Variants in ERLIN1 observed in about 807,000 individuals in gnomAD.
ERLIN1 encodes erlin-1.
A neutral mutation model predicts 46.9 loss-of-function variants in ERLIN1; 24 were observed. That is an observed-to-expected ratio of 0.51 (90% confidence interval 0.37 to 0.72). The LOEUF (loss-of-function observed/expected upper bound fraction) is 0.72. ERLIN1 is among the 30% of genes least tolerant of loss of function. ERLIN1 has a pLI of 0.00. For missense variants in ERLIN1, 293 were observed against 417.9 expected (o/e 0.70, Z 2.61); for synonymous variants, 158 against 143.2 (o/e 1.10, Z -0.74).
rs1843502630 is a variant in ERLIN1, at chr10:100,164,083, C to G, written c.576G>C (p.Lys192Asn). 6.2e-7 allele frequency: 1 copy of G among 1,611,006 alleles called. No individual in the cohort carries two copies. The highest frequency in any genetic ancestry group is 1.3e-5 in the African/African-American group (1 of 74,852). ...TCTGTGCAGCTATAAGGAGTTTTGT[C>G]TTCTCAGCCTCCCTGTGAAGCAAAA... ...RRNFELMEAEKTKLLIAAQKQ... is the reference protein window; with the variant it reads ...RRNFELMEAENTKLLIAAQKQ... The change falls in exon 8 of 11, where the codon AAG becomes AAC. Residue 192 changes from lysine to asparagine, a missense_variant. Lys to Asn is a moderately conservative substitution (Grantham distance 94). Coordinates refer to ENST00000421367, the MANE Select transcript of ERLIN1 (RefSeq NM_006459.4).
chr10:100,173,025 C>G (rs933369332), intron 6 of ERLIN1, among the ~76,000 whole-genome samples: 33 of 152,144 alleles, frequency 2.2e-4, no homozygotes, highest in African/African-American at 8.0e-4. Context: ...TCAAACGACC[C>G]CTTAACTCTG....
In ERLIN1 at chr10:100,185,517, T is replaced by C. The variant is rs771282992; in HGVS notation, c.110A>G (p.Tyr37Cys). Reference sequence around the variant, plus strand: ...ACTGACTGCACATGCCGCTCACCTGTAGTACACAGCCAGATGGCCCTCCTC... The same window carrying C: ...ACTGACTGCACATGCCGCTCACCTGCAGTACACAGCCAGATGGCCCTCCTC... ...KIEEGHLAVY[Y>C]RGGALLTSPS... The change falls in exon 1 of 11, where the codon TAC becomes TGC. Residue 37 changes from tyrosine to cysteine, a missense_variant. By Grantham distance (194) the Tyr-to-Cys change is radical. Around this residue, in one of 3 missense-constraint regions of ERLIN1, gnomAD observed 76 missense variants for 77.0 expected, o/e 0.99. Transcript: ENST00000421367. 5.0e-6 allele frequency: 8 copies of C among 1,610,146 alleles called. No homozygotes were observed. In the East Asian group the frequency reaches 1.8e-4, roughly 36 times the overall value.
intron 8 of ERLIN1, among the ~76,000 whole-genome samples, chr10:100,158,379 C>A (rs1329189256): frequency 6.6e-6 from 1 of 152,096 alleles, no homozygotes; most frequent in Non-Finnish European, 1.5e-5. Context: ...TAAATAGGTG[C>A]AAGCAGCCAA....
chr10:100,156,535 A>T (rs569340107), intron 8 of ERLIN1, among the ~76,000 whole-genome samples: 1 of 152,370 alleles, frequency 6.6e-6, no homozygotes, highest in African/African-American at 2.4e-5. Flanking sequence ...GGAAAAAAAG[A>T]TACTTTATGA....
chr10:100,158,885 A>G (rs772201642), intron 8 of ERLIN1, among the ~76,000 whole-genome samples: 1 of 152,206 alleles, frequency 6.6e-6, no homozygotes, highest in Non-Finnish European at 1.5e-5. Flanking sequence ...AGGGAAAAAG[A>G]AGCAGAGAAA....
intron 8 of ERLIN1, among the ~76,000 whole-genome samples, chr10:100,159,781 G>T (rs1843261034): frequency 6.8e-6 from 1 of 147,278 alleles, no homozygotes; most frequent in Non-Finnish European, 1.5e-5. Flanking sequence ...ATCCTTAGAA[G>T]AAAATTTATA....
intron 2 of ERLIN1, among the ~76,000 whole-genome samples, chr10:100,182,856 A>G (rs948894876): frequency 6.6e-6 from 1 of 152,216 alleles, no homozygotes; most frequent in Non-Finnish European, 1.5e-5. Flanking sequence ...TAAGGAAAGA[A>G]TGGGTAAAAT....
chr10:100,163,059 G>A (rs1158789312), intron 8 of ERLIN1, among the ~76,000 whole-genome samples: 1 of 151,920 alleles, frequency 6.6e-6, no homozygotes, highest in Non-Finnish European at 1.5e-5. Context: ...AAACATAAAC[G>A]ATCTACCATC....
At chr10:100,159,842 G>A (rs868088605) in intron 8 of ERLIN1, among the ~76,000 whole-genome samples, 11 of 134,388 alleles carry the variant, frequency 8.2e-5, no homozygotes, top group Middle Eastern at 3.8e-3. Flanking sequence ...TCCAACTCAA[G>A]AAGTTAAAAA....
chr10:100,154,728 T>C (rs1842983970), intron 10 of ERLIN1, 132 bp downstream of exon 10: 8 of 695,506 alleles, frequency 1.2e-5, no homozygotes, highest in Non-Finnish European at 1.5e-5. Context: ...AACTGACTAA[T>C]TCTGGAGGAT....
chr10:100,174,240 A>T lies in ERLIN1; in HGVS notation c.472T>A (p.Leu158Ile), dbSNP rs774217410. Reference protein sequence around the residue: ...ENLKQALQKDLNLMAPGLTIQ... With the variant: ...ENLKQALQKDINLMAPGLTIQ... The stretch of plus-strand genomic sequence containing the variant: ...GTGAGACCTGGGGCCATGAGGTTTA[A>T]GTCTTTCTGCAGAGCTTGCTTCAGG... The change falls in exon 6 of 11, where the codon TTA (leucine) becomes ATA (isoleucine). Residue 158 changes from leucine (L) to isoleucine (I), a missense_variant. Physicochemically the swap from Leu to Ile is conservative, Grantham distance 5 (BLOSUM62 2). Transcript: ENST00000421367. 1 of 1,565,078 alleles carries T rather than the reference A, an allele frequency of 6.4e-7. No homozygotes were observed. The highest frequency in any genetic ancestry group is 8.7e-7 in the Non-Finnish European group (1 of 1,152,906).
At position 100,186,024 on chromosome 10, in the gene ERLIN1, G is replaced by A. The variant is rs533939071; in HGVS notation, c.-398C>T. The A allele has an allele frequency of 1.0e-4, 43 of 418,490 alleles. No individual in the cohort carries two copies. In the Middle Eastern group the frequency reaches 2.4e-3, roughly 23 times the overall value. 25.9% of individuals were successfully genotyped at this position (418,490 alleles called of 1,614,324 possible). A position where few individuals can be genotyped will look rare whatever the true frequency, so the allele number is the denominator to read the frequency against. The stretch of plus-strand genomic sequence containing the variant: ...CGACTCCCGCGCCGAGCCAACCGCC[G>A]CCAACAGCCGGCCCCGCCCACTCGC... On this transcript the variant is annotated 5_prime_UTR_variant, in exon 1 of 11. Coordinates refer to ENST00000421367, the MANE Select transcript of ERLIN1 (RefSeq NM_006459.4).
At chr10:100,176,226 G>T (rs1042586006) in intron 4 of ERLIN1, among the ~76,000 whole-genome samples, 156 bp from the exon 5 acceptor site, 5 of 152,158 alleles carry the variant, frequency 3.3e-5, no homozygotes, top group African/African-American at 1.2e-4. Context: ...ATCTTGATGT[G>T]TTGCTTGTGC....
intron 3 of ERLIN1, 43 bp from the exon 4 acceptor site, chr10:100,178,237 A>G (rs1232049482): frequency 7.9e-7 from 1 of 1,273,430 alleles, no homozygotes; most frequent in Admixed American, 2.0e-5. Context: ...AAGGCAATCC[A>G]TAAAACACAG....
chr10:100,179,572 C>T (rs1261196176), intron 2 of ERLIN1, among the ~76,000 whole-genome samples: 1 of 151,892 alleles, frequency 6.6e-6, no homozygotes, highest in Non-Finnish European at 1.5e-5. Context: ...TTCTTGTGCC[C>T]CAGCCTCCCA....
chr10:100,185,449 G>A, intron 1 of ERLIN1, 65 bp downstream of exon 1: 1 of 1,260,502 alleles, frequency 7.9e-7, no homozygotes. Context: ...CAACTTCCCA[G>A]ACTCCACTCT....
chr10:100,170,353 T>C (rs369739334), intron 6 of ERLIN1, among the ~76,000 whole-genome samples: 2 of 152,304 alleles, frequency 1.3e-5, no homozygotes. Flanking sequence ...TATTGCAAAA[T>C]ATAAAAATTA....
chr10:100,150,767 T>C lies in ERLIN1; in HGVS notation c.*1364A>G, dbSNP rs1403989612. 5.2e-5 allele frequency: 8 copies of C among 152,454 alleles called. No homozygotes were observed. The highest frequency in any genetic ancestry group is 1.9e-4 in the African/African-American group (8 of 41,442). 9.4% of individuals were successfully genotyped at this position (152,454 alleles called of 1,614,324 possible). On this transcript the variant is annotated 3_prime_UTR_variant, in exon 11 of 11. Transcript: ENST00000421367. ...GTACACAAGAGTTGTCTTAACAAGC[T>C]GCACAAACTCAGGCCGAACTACGCA...
At chr10:100,177,948 G>A (rs1486726549) in intron 4 of ERLIN1, among the ~76,000 whole-genome samples, 185 bp downstream of exon 4, 2 of 152,162 alleles carry the variant, frequency 1.3e-5, no homozygotes, top group Non-Finnish European at 2.9e-5. Context: ...AACTCATACA[G>A]TTGCAGAAAG....
Sources: allele counts gnomAD v4.1 joint callset (sites outside exome capture counted in the v4.1 genomes callset), GRCh38; gene constraint gnomAD v4.1.1; regional missense constraint gnomAD v4.1.1; transcripts MANE v1.5; gene names NCBI Gene and HGNC (gene_info 2026-07-23, HGNC 2026-07-21).